BMPR1A: variants seen among roughly 807,000 people sequenced by gnomAD.
BMPR1A encodes bone morphogenetic protein receptor type 1A, also known as bone morphogenetic protein receptor type-1A.
A neutral mutation model predicts 66.0 loss-of-function variants in BMPR1A; 7 were observed. That is an observed-to-expected ratio of 0.11 (90% CI 0.06 to 0.20). The LOEUF (loss-of-function observed/expected upper bound fraction) is 0.20, where lower values mean the gene tolerates loss of function less well. BMPR1A is among the 10% of genes least tolerant of loss of function. The pLI, the probability that BMPR1A is intolerant of heterozygous loss-of-function variation, is 1.00. For missense variants in BMPR1A, 408 were observed against 669.1 expected, an observed-to-expected ratio of 0.61 and a Z score of 4.31; for synonymous variants, 200 against 229.7, an observed-to-expected ratio of 0.87 and a Z score of 1.17.
At chr10:86,797,225 C>T (rs1293713883) in intron 1 of BMPR1A, among the ~76,000 whole-genome samples, 2 of 108,728 alleles carry the variant, frequency 1.8e-5, no homozygotes, top group Admixed American at 9.8e-5. Context: ...CCACCAAGCC[C>T]GGCTAATTTT....
chr10:86,874,289 T>C (rs1340765593), intron 2 of BMPR1A, among the ~76,000 whole-genome samples: 2 of 152,140 alleles, frequency 1.3e-5, no homozygotes, highest in African/African-American at 4.8e-5. Flanking sequence ...TTGGAGAGAT[T>C]ATGTTTCATG....
At chr10:86,775,616 A>G (rs1564680394) in intron 1 of BMPR1A, among the ~76,000 whole-genome samples, 2 of 152,182 alleles carry the variant, frequency 1.3e-5, no homozygotes. Context: ...CAGAAATACC[A>G]AAGGATATAC....
Position 86,892,297 on chromosome 10 carries a change from A to T in BMPR1A, c.333+68A>T. ...CCATATGAAAGCATCGATTTCCCCC[A>T]GGAGAAACATGCCTGGTGTACACAT... On this transcript the variant is annotated intron_variant, in intron 5 of 12. Transcript: ENST00000372037. 3.2e-6 allele frequency: 4 copies of T among 1,268,630 alleles called. No individual in the cohort carries two copies. In the South Asian group the frequency reaches 4.9e-5, roughly 16 times the overall value. The allele number at this position is 1,268,630 out of a possible 1,614,324, so 78.6% of individuals were successfully genotyped here.
At chr10:86,803,033 G>GT (rs1841834452) in intron 1 of BMPR1A, among the ~76,000 whole-genome samples, 1 of 120,052 alleles carries the variant, frequency 8.3e-6, no homozygotes, top group African/African-American at 2.8e-5. Flanking sequence ...AAGACCCTAA[G>GT]CCTTTTTTTA....
At chr10:86,857,865 C>G (rs1377203908) in intron 2 of BMPR1A, among the ~76,000 whole-genome samples, 2 of 151,506 alleles carry the variant, frequency 1.3e-5, no homozygotes, top group African/African-American at 2.4e-5. Flanking sequence ...GCTATGTTGA[C>G]CAGGCTGGTC....
At chr10:86,858,973 T>C (rs1842679505) in intron 2 of BMPR1A, among the ~76,000 whole-genome samples, 1 of 152,226 alleles carries the variant, frequency 6.6e-6, no homozygotes, top group Non-Finnish European at 1.5e-5. Context: ...AAAGCGGTTC[T>C]GAGCCAAAAG....
chr10:86,811,888 T>C (rs1012231693), intron 1 of BMPR1A, among the ~76,000 whole-genome samples: 1 of 152,212 alleles, frequency 6.6e-6, no homozygotes, highest in East Asian at 1.9e-4. Flanking sequence ...AAGACCACCC[T>C]GGTCAACATA....
intron 1 of BMPR1A, among the ~76,000 whole-genome samples, chr10:86,835,670 T>C (rs1419783077): frequency 6.8e-6 from 1 of 147,828 alleles, no homozygotes; most frequent in East Asian, 2.0e-4. Context: ...TAGAAATCAG[T>C]GGGTGACATT....
chr10:86,929,747 T>C (rs1033548261), downstream of BMPR1A: 2 of 152,234 alleles, frequency 1.3e-5, no homozygotes, highest in Non-Finnish European at 2.9e-5. Context: ...ACTGAATAAA[T>C]GTATTCATTT....
intron 2 of BMPR1A, among the ~76,000 whole-genome samples, chr10:86,849,051 A>G (rs1339419277): frequency 2.0e-5 from 3 of 152,142 alleles, no homozygotes; most frequent in African/African-American, 2.4e-5. Flanking sequence ...TTTCTAAACC[A>G]TGGTGCACTC....
intron 1 of BMPR1A, among the ~76,000 whole-genome samples, chr10:86,757,505 T>G (rs546936622): frequency 6.6e-6 from 1 of 152,290 alleles, no homozygotes; most frequent in South Asian, 2.1e-4. Flanking sequence ...CTGGACCCTT[T>G]TTTCTCTTTC....
At chr10:86,840,641 T>C (rs1052168984) in intron 2 of BMPR1A, among the ~76,000 whole-genome samples, 1 of 152,162 alleles carries the variant, frequency 6.6e-6, no homozygotes, top group African/African-American at 2.4e-5. Flanking sequence ...GCCCATATTT[T>C]CATCTGTTTA....
intron 1 of BMPR1A, among the ~76,000 whole-genome samples, chr10:86,777,222 C>T (rs78863383): frequency 0.025 from 3,740 of 152,192 alleles, 82 homozygotes; most frequent in South Asian, 0.093. Context: ...TATTAAGAAC[C>T]GCAGTTGGTT....
intron 11 of BMPR1A, among the ~76,000 whole-genome samples, chr10:86,922,486 C>T (rs1843681350): frequency 6.6e-6 from 1 of 152,168 alleles, no homozygotes; most frequent in African/African-American, 2.4e-5. Context: ...AGACCACCCC[C>T]AGGTTGTGCG....
intron 1 of BMPR1A, among the ~76,000 whole-genome samples, chr10:86,809,990 A>G (rs998014925): frequency 6.8e-6 from 1 of 146,642 alleles, no homozygotes; most frequent in Non-Finnish European, 1.5e-5. Flanking sequence ...ATTATTTTTG[A>G]GACAGAGTCT....
intron 1 of BMPR1A, among the ~76,000 whole-genome samples, chr10:86,778,101 G>A (rs1841381645): frequency 6.6e-6 from 1 of 152,014 alleles, no homozygotes; most frequent in Non-Finnish European, 1.5e-5. Context: ...ATGTAGTGAT[G>A]TTTTGATACA....
chr10:86,769,206 G>T (rs1332447034), intron 1 of BMPR1A, among the ~76,000 whole-genome samples: 1 of 152,086 alleles, frequency 6.6e-6, no homozygotes, highest in Non-Finnish European at 1.5e-5. Flanking sequence ...ATCAAGAATT[G>T]GAGGCTAATG....
At chr10:86,825,167 G>C (rs1450916485) in intron 1 of BMPR1A, among the ~76,000 whole-genome samples, 1 of 150,794 alleles carries the variant, frequency 6.6e-6, no homozygotes, top group Non-Finnish European at 1.5e-5. Flanking sequence ...GCAATGGCGT[G>C]ATCATTGCTC....
intron 7 of BMPR1A, 28 bp from the exon 8 acceptor site, chr10:86,912,212 T>G (rs750200469): frequency 6.8e-6 from 11 of 1,611,186 alleles, no homozygotes; most frequent in Middle Eastern, 2.1e-4. Context: ...TCATTTTTAA[T>G]GTAGATTGTT....
Sources: allele counts gnomAD v4.1 joint callset (sites outside exome capture counted in the v4.1 genomes callset), GRCh38; gene constraint gnomAD v4.1.1; transcripts MANE v1.5; gene names NCBI Gene and HGNC (gene_info 2026-07-23, HGNC 2026-07-21).